MPRIP: variants seen among roughly 807,000 people sequenced by gnomAD.
MPRIP encodes the protein myosin phosphatase Rho-interacting protein.
MPRIP carries 59 observed loss-of-function variants against 234.9 expected under a neutral mutation model. That is an observed-to-expected ratio of 0.25 (90% confidence interval 0.20 to 0.31). The LOEUF (loss-of-function observed/expected upper bound fraction) is 0.31. Ranked by LOEUF, MPRIP falls within the 10% of genes least tolerant of loss-of-function variation. The pLI, the probability that MPRIP is intolerant of heterozygous loss-of-function variation, is 1.00. For synonymous variants in MPRIP, 1,144 were observed against 1,263.9 expected (o/e 0.91, Z 2.01); for missense variants, 2,436 against 3,071.0 (o/e 0.79, Z 4.89).
intron 3 of MPRIP, among the ~76,000 whole-genome samples, chr17:17,083,591 TTC>T (rs757582511): frequency 4.3e-4 from 65 of 152,282 alleles, no homozygotes; most frequent in Non-Finnish European, 7.9e-4. Flanking sequence ...CATTTGAGGT[TTC>T]TCTCCCTTTT....
At chr17:17,052,401 G>A (rs990643390) in intron 1 of MPRIP, among the ~76,000 whole-genome samples, 2 of 152,086 alleles carry the variant, frequency 1.3e-5, no homozygotes, top group African/African-American at 4.8e-5. Context: ...GGGACCTGCT[G>A]GGGCTGTCTG....
Position 17,166,124 on chromosome 17 carries a change from A to G in MPRIP, c.4533A>G (p.Ala1511=), listed in dbSNP as rs993333196. Residue 1511 remains alanine, a synonymous_variant, in exon 16 of 24, where the codon GCA becomes GCG. Transcript: ENST00000651222. The surrounding 1 kb of genome is among the most constrained non-coding windows in gnomAD (Gnocchi z 4.4). Reference sequence around the variant, plus strand: ...CCTCCCTGGCCAGTGTGGAGAGTGCACTCGTCAGCGCCATCCAAGCCCTGC... The same window carrying G: ...CCTCCCTGGCCAGTGTGGAGAGTGCGCTCGTCAGCGCCATCCAAGCCCTGC... ...RAASLASVES[A]LVSAIQALQH... is the part of the protein sequence containing the mutation. The G allele has an allele frequency of 2.3e-6, 3 of 1,299,868 alleles. No individual in the cohort carries two copies. The highest frequency in any genetic ancestry group is 3.0e-6 in the Non-Finnish European group (3 of 986,114). The allele number at this position is 1,299,868 out of a possible 1,614,324, so 80.5% of individuals were successfully genotyped here.
intron 1 of MPRIP, among the ~76,000 whole-genome samples, chr17:17,060,890 C>T (rs1379202106): frequency 6.6e-6 from 1 of 152,210 alleles, no homozygotes; most frequent in African/African-American, 2.4e-5. Flanking sequence ...CAGTATTCTC[C>T]AGGACTCAAG....
At chr17:17,168,419 G>C (rs946050349) in intron 16 of MPRIP, 2 of 251,160 alleles carry the variant, frequency 8.0e-6, no homozygotes, top group South Asian at 9.4e-5. Context: ...TCGGGCGGAG[G>C]GTCCCTCTCT....
At chr17:17,118,302 G>T (rs975154623) in intron 3 of MPRIP, among the ~76,000 whole-genome samples, 5 of 152,248 alleles carry the variant, frequency 3.3e-5, no homozygotes, top group African/African-American at 1.2e-4. Context: ...AAGCCATCGG[G>T]TGTAGAATGG....
intron 1 of MPRIP, among the ~76,000 whole-genome samples, chr17:17,059,927 C>T (rs936627483): frequency 7.9e-5 from 12 of 152,136 alleles, no homozygotes; most frequent in African/African-American, 2.9e-4. Context: ...CCAAGTACTC[C>T]CAATTAAGAC....
intron 12 of MPRIP, among the ~76,000 whole-genome samples, chr17:17,150,542 G>GT (rs780274231): frequency 3.3e-5 from 5 of 152,140 alleles, no homozygotes; most frequent in Non-Finnish European, 5.9e-5. Context: ...TTGGAAGGAT[G>GT]TGGGGTATGG....
chr17:17,043,166 C>T (rs1384819712), intron 1 of MPRIP, among the ~76,000 whole-genome samples, 195 bp downstream of exon 1: 1 of 152,200 alleles, frequency 6.6e-6, no homozygotes, highest in East Asian at 1.9e-4. Flanking sequence ...CGAAAAATAA[C>T]ATCCTTTCCC....
At chr17:17,177,809 AC>A (rs1263348860) in intron 22 of MPRIP, among the ~76,000 whole-genome samples, 1 of 152,216 alleles carries the variant, frequency 6.6e-6, no homozygotes, top group African/African-American at 2.4e-5. Flanking sequence ...TCTGGAATGA[AC>A]AACAGAACTG....
At chr17:17,161,123 T>G in intron 14 of MPRIP, 117 bp from the exon 15 acceptor site, 1 of 626,630 alleles carries the variant, frequency 1.6e-6, no homozygotes. Flanking sequence ...TCTGCTGAAA[T>G]GTGGAGACTC....
At chr17:17,066,292 A>T (rs2089022769) in intron 1 of MPRIP, among the ~76,000 whole-genome samples, 1 of 152,204 alleles carries the variant, frequency 6.6e-6, no homozygotes, top group Non-Finnish European at 1.5e-5. Context: ...CTTTTATGAA[A>T]TTGAGCAAGT....
chr17:17,174,909 G>A (rs866159797), intron 19 of MPRIP, among the ~76,000 whole-genome samples: 1 of 152,164 alleles, frequency 6.6e-6, no homozygotes, highest in Non-Finnish European at 1.5e-5. Flanking sequence ...TTTTCTGTGG[G>A]CACCAAATTA....
chr17:17,188,735 G>A lies in MPRIP; in HGVS notation c.*3841G>A, dbSNP rs1222238848. On this transcript the variant is annotated 3_prime_UTR_variant, in exon 24 of 24. Transcript: ENST00000651222. The stretch of plus-strand genomic sequence containing the variant: ...GAACACAATCCTGATCATCACTCCT[G>A]CCTGGCTGTCTCCTGGGAGGCTGCC... 6.6e-6 allele frequency: 1 copy of A among 152,296 alleles called. No homozygotes were observed. Among genetic ancestry groups the A allele is most frequent in the Admixed American group, 6.5e-5 (1 of 15,290 alleles). 9.4% of individuals were successfully genotyped at this position (152,296 alleles called of 1,614,324 possible). A position where few individuals can be genotyped will look rare whatever the true frequency, so the allele number is the denominator to read the frequency against.
chr17:17,143,715 C>T (rs1224870623), intron 9 of MPRIP, 46 bp downstream of exon 9: 2 of 1,328,420 alleles, frequency 1.5e-6, no homozygotes, highest in African/African-American at 1.5e-5. Context: ...TCCTCTGCTT[C>T]TGGTCACTCT....
intron 12 of MPRIP, among the ~76,000 whole-genome samples, chr17:17,150,913 A>G (rs1261676683): frequency 6.6e-6 from 1 of 151,822 alleles, no homozygotes; most frequent in East Asian, 1.9e-4. Context: ...TGGCACAATC[A>G]TGGCTCACTG....
At chr17:17,050,431 C>T (rs539082150) in intron 1 of MPRIP, among the ~76,000 whole-genome samples, 4 of 151,860 alleles carry the variant, frequency 2.6e-5, no homozygotes, top group Admixed American at 6.5e-5. Context: ...GCGCATTTTA[C>T]GTTACAGCAC....
At chr17:17,137,656 G>GA (rs397937758) in intron 6 of MPRIP, among the ~76,000 whole-genome samples, 1 of 152,108 alleles carries the variant, frequency 6.6e-6, no homozygotes, top group African/African-American at 2.4e-5. Context: ...GAACTGCAGG[G>GA]CCTGCCTGCC....
chr17:17,112,732 T>C (rs1045676663), intron 3 of MPRIP, among the ~76,000 whole-genome samples: 1 of 152,224 alleles, frequency 6.6e-6, no homozygotes, highest in Non-Finnish European at 1.5e-5. Flanking sequence ...GCAACTGGGC[T>C]GTGGGTTGGT....
At chr17:17,128,843 T>C (rs998027202) in intron 4 of MPRIP, among the ~76,000 whole-genome samples, 9 of 152,206 alleles carry the variant, frequency 5.9e-5, no homozygotes, top group Admixed American at 2.6e-4. Context: ...CTGCCCTCGC[T>C]GACAGCCCCC....
Sources: gnomAD v4.1 joint callset for allele counts (sites outside exome capture counted in the v4.1 genomes callset) on GRCh38, gnomAD v4.1.1 for gene constraint, Gnocchi (gnomAD v3.1) non-coding constraint, MANE v1.5 for transcripts, NCBI Gene and HGNC (gene_info 2026-07-23, HGNC 2026-07-21) for gene names.